Variants in TCF4 observed in about 807,000 individuals in gnomAD.
TCF4 encodes transcription factor 4, also known as SL3-3 enhancer factor 2.
TCF4 carries 3 observed loss-of-function variants against 82.1 expected under a neutral mutation model. The observed-to-expected ratio is 0.04, with a 90% CI of 0.02 to 0.09. TCF4 has a LOEUF of 0.09. Ranked by LOEUF, TCF4 falls within the 10% of genes least tolerant of loss-of-function variation. The pLI is 1.00. For synonymous variants in TCF4, 276 were observed against 309.6 expected (o/e 0.89, Z 1.14); for missense variants, 518 against 852.7 (o/e 0.61, Z 4.89).
chr18:55,571,803 C>T (rs1457228059), intron 3 of TCF4, among the ~76,000 whole-genome samples: 2 of 141,866 alleles, frequency 1.4e-5, no homozygotes, highest in African/African-American at 5.2e-5. Flanking sequence ...ATAAAGAAAA[C>T]ACACATCATA....
intron 8 of TCF4, 36 bp from the exon 9 acceptor site, chr18:55,279,692 C>A (rs1467977862): frequency 6.2e-7 from 1 of 1,613,302 alleles, no homozygotes; most frequent in Non-Finnish European, 8.5e-7. Context: ...TTGCTTTTTG[C>A]ATTGACCACA....
At chr18:55,576,703 T>G (rs1017830717) in intron 3 of TCF4, among the ~76,000 whole-genome samples, 1 of 152,156 alleles carries the variant, frequency 6.6e-6, no homozygotes, top group African/African-American at 2.4e-5. Flanking sequence ...ATGAAAGAAA[T>G]AAGTTTTCAT....
intron 3 of TCF4, among the ~76,000 whole-genome samples, chr18:55,470,585 C>A (rs1169730059): frequency 1.3e-5 from 2 of 152,150 alleles, no homozygotes; most frequent in East Asian, 1.9e-4. Flanking sequence ...AGACTAAATA[C>A]CATGTAACTT....
intron 12 of TCF4, chr18:55,261,143 G>C: frequency 3.7e-6 from 1 of 267,614 alleles, no homozygotes; most frequent in Non-Finnish European, 7.1e-6. Flanking sequence ...GACAGTCTTA[G>C]CTGGTCAATG....
chr18:55,351,618 T>C (rs1221888997), intron 6 of TCF4, among the ~76,000 whole-genome samples: 1 of 152,150 alleles, frequency 6.6e-6, no homozygotes, highest in Non-Finnish European at 1.5e-5. Context: ...GACTTCAGAA[T>C]GCCCTCTTGA....
chr18:55,542,462 T>C (rs896211925), intron 3 of TCF4, among the ~76,000 whole-genome samples: 1 of 152,010 alleles, frequency 6.6e-6, no homozygotes, highest in African/African-American at 2.4e-5. Context: ...CAAAATGTAC[T>C]GTAAAAGATA....
At chr18:55,631,115 T>C (rs1163789842) in intron 2 of TCF4, among the ~76,000 whole-genome samples, 1 of 151,152 alleles carries the variant, frequency 6.6e-6, no homozygotes, top group Non-Finnish European at 1.5e-5. Flanking sequence ...AGTGGCATGA[T>C]CTCGACTCAC....
intron 6 of TCF4, among the ~76,000 whole-genome samples, chr18:55,372,095 A>T (rs1217285761): frequency 2.0e-5 from 3 of 152,168 alleles, no homozygotes; most frequent in Admixed American, 2.0e-4. Context: ...ATGGTAGATT[A>T]AACATAAGCT....
chr18:55,560,066 A>G (rs1036705721), intron 3 of TCF4, among the ~76,000 whole-genome samples: 1 of 152,256 alleles, frequency 6.6e-6, no homozygotes, highest in Non-Finnish European at 1.5e-5. Flanking sequence ...ACATAATAAT[A>G]TATATTCATT....
intron 3 of TCF4, chr18:55,551,761 C>T (rs1016933071): frequency 2.6e-5 from 4 of 152,152 alleles, no homozygotes; most frequent in African/African-American, 9.7e-5. Context: ...CCTCAAAAGC[C>T]TAGTGGAAAA....
At chr18:55,396,678 A>T (rs1271138414) in intron 6 of TCF4, among the ~76,000 whole-genome samples, 1 of 152,148 alleles carries the variant, frequency 6.6e-6, no homozygotes, top group Non-Finnish European at 1.5e-5. Flanking sequence ...TTTACAAGGA[A>T]ACATGCCTAC....
intron 3 of TCF4, among the ~76,000 whole-genome samples, chr18:55,535,957 C>A (rs781537658): frequency 6.6e-6 from 1 of 152,180 alleles, no homozygotes; most frequent in Non-Finnish European, 1.5e-5. Flanking sequence ...AAGGATCTTA[C>A]TGAAGATTTT....
intron 8 of TCF4, among the ~76,000 whole-genome samples, chr18:55,317,690 G>A (rs554521763): frequency 1.1e-3 from 163 of 152,162 alleles, no homozygotes; most frequent in African/African-American, 3.8e-3. Context: ...TTAGGTTGCT[G>A]ACTGATATTG....
chr18:55,473,963 TTATC>T (rs1214681138), intron 3 of TCF4, among the ~76,000 whole-genome samples: 2 of 152,320 alleles, frequency 1.3e-5, no homozygotes, highest in East Asian at 3.9e-4. Context: ...ACAAGCCAGA[TTATC>T]TAATTCCTTG....
intron 5 of TCF4, among the ~76,000 whole-genome samples, chr18:55,420,132 C>T (rs935393147): frequency 6.6e-6 from 1 of 151,856 alleles, no homozygotes; most frequent in African/African-American, 2.4e-5. Context: ...AAACAGGAAA[C>T]GGAAAAAACA....
intron 2 of TCF4, 179 bp from the exon 3 acceptor site, chr18:55,585,531 A>T: frequency 1.5e-6 from 1 of 674,920 alleles, no homozygotes; most frequent in South Asian, 1.9e-5. Context: ...ATCCCACCCC[A>T]GCCCCCATTA....
At chr18:55,285,244 A>G (rs1358542769) in intron 8 of TCF4, among the ~76,000 whole-genome samples, 4 of 152,226 alleles carry the variant, frequency 2.6e-5, no homozygotes, top group Non-Finnish European at 5.9e-5. Context: ...AGTCTGACCA[A>G]TTAGGTTCAA....
At position 55,633,003 on chromosome 18, in the gene TCF4, T is replaced by C. The variant is rs1342223475; in HGVS notation, c.196-1615A>G. ...GGCTGTGGTTGTATATTTGAGTCTTTGGTCAGTGGATGGTAAATGAAGGTT... is the reference window on the plus strand; with the variant it reads ...GGCTGTGGTTGTATATTTGAGTCTTCGGTCAGTGGATGGTAAATGAAGGTT... On this transcript the variant is annotated intron_variant, in intron 1 of 20. Coordinates refer to the TCF4 transcript ENST00000398339. The surrounding 1 kb of genome is among the most constrained non-coding windows in gnomAD (Gnocchi z 4.0). 6.6e-6 allele frequency among the ~76,000 whole-genome samples: 1 copy of C among 152,220 alleles called. No homozygotes were observed. Among genetic ancestry groups the C allele is most frequent in the Non-Finnish European group, 1.5e-5 (1 of 68,030 alleles).
At chr18:55,482,623 A>G (rs953216091) in intron 3 of TCF4, 8 of 152,204 alleles carry the variant, frequency 5.3e-5, no homozygotes, top group Non-Finnish European at 1.2e-4. Context: ...CAGATACTTC[A>G]GTCTTCCTAT....
Sources: gnomAD v4.1 joint callset for allele counts (sites outside exome capture counted in the v4.1 genomes callset) on GRCh38, gnomAD v4.1.1 for gene constraint, Gnocchi (gnomAD v3.1) non-coding constraint, MANE v1.5 for transcripts, NCBI Gene and HGNC (gene_info 2026-07-23, HGNC 2026-07-21) for gene names.